PPP4R1: variants seen among roughly 807,000 people sequenced by gnomAD.
PPP4R1 encodes protein phosphatase 4 regulatory subunit 1.
In PPP4R1, 42 loss-of-function variants were observed where a neutral mutation model predicts 111.2. That is an observed-to-expected ratio of 0.38 (90% CI 0.29 to 0.49). PPP4R1 has a LOEUF of 0.49. Ranked by LOEUF, PPP4R1 falls within the 20% of genes least tolerant of loss-of-function variation. The pLI, the probability that PPP4R1 is intolerant of heterozygous loss-of-function variation, is 0.97. For missense variants in PPP4R1, 1,012 were observed against 1,161.6 expected (o/e 0.87, Z 1.87); for synonymous variants, 409 against 405.5 (o/e 1.01, Z -0.10).
chr18:9,581,099 G>A (rs1313498432), intron 9 of PPP4R1, among the ~76,000 whole-genome samples: 2 of 151,696 alleles, frequency 1.3e-5, no homozygotes, highest in African/African-American at 2.4e-5. Flanking sequence ...GGGGGAGCGA[G>A]GACAACCAGT....
At chr18:9,594,078 C>A in intron 3 of PPP4R1, 1 of 460,938 alleles carries the variant, frequency 2.2e-6, no homozygotes, top group Admixed American at 3.4e-5. Flanking sequence ...CAGGCATGCA[C>A]CACCACACCT....
chr18:9,562,623 C>T (rs1208464463), intron 12 of PPP4R1, among the ~76,000 whole-genome samples: 2 of 152,214 alleles, frequency 1.3e-5, no homozygotes, highest in Non-Finnish European at 2.9e-5. Context: ...TCTAACTATA[C>T]CACATGCCAT....
At chr18:9,562,107 G>C (rs1489487102) in intron 12 of PPP4R1, 32 bp from the exon 13 acceptor site, 2 of 1,495,416 alleles carry the variant, frequency 1.3e-6, no homozygotes, top group African/African-American at 2.8e-5. Flanking sequence ...TTAAAGAGCT[G>C]TCCTGTCTGT....
chr18:9,552,258 C>A (rs940527989), intron 16 of PPP4R1, among the ~76,000 whole-genome samples: 1 of 152,180 alleles, frequency 6.6e-6, no homozygotes, highest in African/African-American at 2.4e-5. Context: ...CATTTCTCCA[C>A]AAAATATACA....
At chr18:9,610,618 A>G (rs2067561443) in intron 2 of PPP4R1, among the ~76,000 whole-genome samples, 1 of 147,120 alleles carries the variant, frequency 6.8e-6, no homozygotes, top group Admixed American at 6.7e-5. Context: ...GCACGCCACC[A>G]CGCCCAGTTA....
At chr18:9,596,811 C>T (rs2067297621) in intron 2 of PPP4R1, among the ~76,000 whole-genome samples, 2 of 152,176 alleles carry the variant, frequency 1.3e-5, no homozygotes, top group East Asian at 3.8e-4. Context: ...AACATTTTTA[C>T]TCCCAACAGA....
chr18:9,550,064 G>C lies in PPP4R1; in HGVS notation c.2535C>G (p.Val845=). The change falls in exon 18 of 20, where the codon GTC becomes GTG. Residue 845 remains valine (V), a synonymous_variant. Coordinates refer to ENST00000400556, the MANE Select transcript of PPP4R1 (RefSeq NM_001042388.3). Reference sequence around the variant, plus strand: ...GGGCCTCGCTTACCTGGCAGACAAAGACAAAGGCTTGCCGACCAGACCACT... The same window carrying C: ...GGGCCTCGCTTACCTGGCAGACAAACACAAAGGCTTGCCGACCAGACCACT... ...CPKWSGRQAF[V]FVCQTVIEDD... The C allele has an allele frequency of 6.2e-7, 1 of 1,614,190 alleles. No individual in the cohort carries two copies. Among genetic ancestry groups the C allele is most frequent in the South Asian group, 1.1e-5 (1 of 91,082 alleles).
At chr18:9,587,254 A>T (rs994489811) in intron 6 of PPP4R1, 1 of 152,190 alleles carries the variant, frequency 6.6e-6, no homozygotes, top group African/African-American at 2.4e-5. Flanking sequence ...ATTTACAATT[A>T]TGTATTTTTT....
intron 2 of PPP4R1, among the ~76,000 whole-genome samples, chr18:9,602,237 G>A (rs2067395889): frequency 6.6e-6 from 1 of 151,796 alleles, no homozygotes; most frequent in Admixed American, 6.6e-5. Flanking sequence ...AAATGTAATA[G>A]TTTAAAAGTT....
At chr18:9,575,126 T>C (rs1598918642) in intron 10 of PPP4R1, among the ~76,000 whole-genome samples, 1 of 152,348 alleles carries the variant, frequency 6.6e-6, no homozygotes, top group Middle Eastern at 3.4e-3. Flanking sequence ...GATGAAACAC[T>C]ATACAATAAA....
At chr18:9,600,560 T>C (rs7233002) in intron 2 of PPP4R1, among the ~76,000 whole-genome samples, 30,510 of 152,112 alleles carry the variant, frequency 0.2, 3,391 homozygotes, top group East Asian at 0.49. Flanking sequence ...TAAAAAGATA[T>C]AACACAAAAT....
intron 2 of PPP4R1, among the ~76,000 whole-genome samples, chr18:9,598,282 A>G (rs1430129585): frequency 2.6e-5 from 4 of 152,216 alleles, no homozygotes; most frequent in Non-Finnish European, 5.9e-5. Context: ...AAATTTTCCC[A>G]AATTTGGTAA....
chr18:9,596,931 C>G (rs2067299454), intron 2 of PPP4R1, among the ~76,000 whole-genome samples: 1 of 152,172 alleles, frequency 6.6e-6, no homozygotes, highest in Non-Finnish European at 1.5e-5. Flanking sequence ...GATGGATTAA[C>G]AGGAACCAAC....
At chr18:9,582,406 T>C (rs1160028437) in intron 9 of PPP4R1, among the ~76,000 whole-genome samples, 1 of 152,116 alleles carries the variant, frequency 6.6e-6, no homozygotes, top group Admixed American at 6.5e-5. Context: ...TGTATAATCA[T>C]ATACCAACAA....
chr18:9,576,384 T>C (rs2066936083), intron 10 of PPP4R1, among the ~76,000 whole-genome samples: 1 of 152,018 alleles, frequency 6.6e-6, no homozygotes, highest in African/African-American at 2.4e-5. Flanking sequence ...AATTAGTTTT[T>C]CCCCTAAATA....
At chr18:9,610,621 C>T (rs1014274461) in intron 2 of PPP4R1, among the ~76,000 whole-genome samples, 12 of 145,646 alleles carry the variant, frequency 8.2e-5, no homozygotes, top group Non-Finnish European at 1.8e-4. Context: ...CGCCACCACG[C>T]CCAGTTAATT....
chr18:9,605,454 G>A (rs73397607), intron 2 of PPP4R1, among the ~76,000 whole-genome samples: 1,546 of 150,462 alleles, frequency 0.01, 30 homozygotes, highest in African/African-American at 0.036. Flanking sequence ...CTTTACAGTG[G>A]AGCAATTTGA....
Position 9,595,110 on chromosome 18 carries a change from T to C in PPP4R1, c.96A>G (p.Ile32Met). The change falls in exon 3 of 20, where the codon ATA (isoleucine) becomes ATG (methionine). Residue 32 changes from isoleucine (I) to methionine (M), a missense_variant. Transcript: ENST00000400556. ...GTGAGACAAAGTCCAGGGCTGAAGG[T>C]ATAATAATCACATCAGACTCTGAGC... The part of the protein sequence containing the change: ...DYSSESDVII[I>M]PSALDFVSQD... The C allele has an allele frequency of 6.2e-7, 1 of 1,613,804 alleles. No homozygotes were observed. The highest frequency in any genetic ancestry group is 8.5e-7 in the Non-Finnish European group (1 of 1,179,808).
chr18:9,557,198 A>G (rs757561949), intron 15 of PPP4R1, 23 bp downstream of exon 15: 9 of 1,553,442 alleles, frequency 5.8e-6, no homozygotes, highest in Non-Finnish European at 6.9e-6. Context: ...TTGTGTTTTT[A>G]TGCAAAAAAA....
Sources: allele counts gnomAD v4.1 joint callset (sites outside exome capture counted in the v4.1 genomes callset), GRCh38; gene constraint gnomAD v4.1.1; transcripts MANE v1.5; gene names NCBI Gene and HGNC (gene_info 2026-07-23, HGNC 2026-07-21).